The following USP34 variants were observed in gnomAD, a reference collection of about 807,000 sequenced individuals.
The protein encoded by USP34 is ubiquitin specific peptidase 34.
Under a neutral mutation model 460.3 loss-of-function variants are expected in USP34, and 70 were observed. That is an observed-to-expected ratio of 0.15 (90% CI 0.13 to 0.19). The LOEUF (loss-of-function observed/expected upper bound fraction) is 0.19. Ranked by LOEUF, USP34 falls within the 10% of genes least tolerant of loss-of-function variation. USP34 has a pLI of 1.00. For missense variants in USP34, 3,985 were observed against 4,236.2 expected (o/e 0.94, Z 1.65); for synonymous variants, 1,647 against 1,405.3 (o/e 1.17, Z -3.85).
chr2:61,466,650 T>C (rs1023144406), intron 1 of USP34, among the ~76,000 whole-genome samples: 6 of 151,718 alleles, frequency 4.0e-5, no homozygotes, highest in African/African-American at 1.5e-4. Flanking sequence ...GCTGGCTCAC[T>C]CCTGTAATTG....
At chr2:61,266,466 T>C (rs1440070589) in intron 41 of USP34, among the ~76,000 whole-genome samples, 1 of 152,210 alleles carries the variant, frequency 6.6e-6, no homozygotes, top group East Asian at 1.9e-4. Flanking sequence ...TAAGGCCTCA[T>C]TATTCCCTTG....
chr2:61,206,966 C>T lies in USP34; in HGVS notation c.8920-80G>A, dbSNP rs1174683234. 11 of 1,446,668 alleles carry T rather than the reference C, an allele frequency of 7.6e-6. No homozygotes were observed. The South Asian group carries it at 9.1e-5, about 12-fold the overall frequency. 89.6% of individuals were successfully genotyped at this position (1,446,668 alleles called of 1,614,324 possible). ...ACAAAATGGTAGTACTCGTCCTCTA[C>T]GATAGATGTTTTCAGACTCAGACTG... is the stretch of plus-strand genomic sequence containing the variant. On this transcript the variant is annotated intron_variant, in intron 70 of 79. Coordinates refer to ENST00000398571, the MANE Select transcript of USP34 (RefSeq NM_014709.4).
rs760776247 is a variant in USP34, at chr2:61,256,952, TAATC to T, written c.6049-6_6049-3del. Reference sequence around the variant, plus strand: ...AGTTTGACTAACATGTTCACAATCCTAATCAATACACATAAAAAATTAATAAAAA... The same window carrying T: ...AGTTTGACTAACATGTTCACAATCCTAATACACATAAAAAATTAATAAAAA... On this transcript the variant is annotated splice_polypyrimidine_tract_variant and splice_region_variant and intron_variant, in intron 46 of 79. Coordinates refer to ENST00000398571, the MANE Select transcript of USP34 (RefSeq NM_014709.4). 6.6e-6 allele frequency: 10 copies of T among 1,504,698 alleles called. No homozygotes were observed. Among genetic ancestry groups the T allele is most frequent in the Middle Eastern group, 2.3e-4 (1 of 4,308 alleles). The allele number at this position is 1,504,698 out of a possible 1,614,324, so 93.2% of individuals were successfully genotyped here.
At chr2:61,346,971 C>T (rs1231674132) in intron 15 of USP34, among the ~76,000 whole-genome samples, 1 of 151,518 alleles carries the variant, frequency 6.6e-6, no homozygotes, top group Admixed American at 6.6e-5. Context: ...AACCCCATCT[C>T]TACTAAAAAT....
At chr2:61,286,789 T>C (rs1689702586) in intron 34 of USP34, among the ~76,000 whole-genome samples, 1 of 152,216 alleles carries the variant, frequency 6.6e-6, no homozygotes, top group Non-Finnish European at 1.5e-5. Flanking sequence ...AATAAGCTTG[T>C]AGTTGCATAT....
chr2:61,384,870 C>T (rs752964586), intron 5 of USP34, among the ~76,000 whole-genome samples: 1 of 151,254 alleles, frequency 6.6e-6, no homozygotes, highest in African/African-American at 2.4e-5. Context: ...AGGACCTAGA[C>T]AATATAAGTT....
intron 53 of USP34, among the ~76,000 whole-genome samples, chr2:61,238,605 C>T (rs1399935224): frequency 6.6e-6 from 1 of 152,084 alleles, no homozygotes; most frequent in Non-Finnish European, 1.5e-5. Flanking sequence ...TCTAAAAAAC[C>T]ACATTCTGGT....
In USP34 at chr2:61,343,928, T is replaced by A; in HGVS notation, c.2387A>T (p.Glu796Val). ...EKNMADFDGE[E>V]SGCEEELVQI... is the part of the protein sequence containing the mutation. ...AACTAGCTCCTCTTCACATCCAGATTCTTCACCATCAAAATCAGCCATATT... is the reference window on the plus strand; with the variant it reads ...AACTAGCTCCTCTTCACATCCAGATACTTCACCATCAAAATCAGCCATATT... The change falls in exon 16 of 80, where the codon GAA becomes GTA. Residue 796 changes from glutamate (E) to valine (V), a missense_variant. Physicochemically the swap from Glu to Val is moderately radical, Grantham distance 121. Coordinates refer to ENST00000398571, the MANE Select transcript of USP34 (RefSeq NM_014709.4). 1 of 1,613,992 alleles carries A rather than the reference T, an allele frequency of 6.2e-7. No homozygotes were observed. Among genetic ancestry groups the A allele is most frequent in the Non-Finnish European group, 8.5e-7 (1 of 1,179,916 alleles).
At chr2:61,331,216 T>C in intron 20 of USP34, 60 bp downstream of exon 20, 1 of 1,399,764 alleles carries the variant, frequency 7.1e-7, no homozygotes, top group Non-Finnish European at 9.8e-7. Context: ...CACTGGAAAA[T>C]CATCTTTCAA....
At chr2:61,330,458 A>G (rs1691226978) in intron 20 of USP34, among the ~76,000 whole-genome samples, 1 of 152,210 alleles carries the variant, frequency 6.6e-6, no homozygotes, top group Non-Finnish European at 1.5e-5. Flanking sequence ...CAGGGAAATA[A>G]GTAAATTTAT....
At chr2:61,378,012 A>G (rs1215013197) in intron 8 of USP34, among the ~76,000 whole-genome samples, 1 of 152,182 alleles carries the variant, frequency 6.6e-6, no homozygotes, top group East Asian at 1.9e-4. Flanking sequence ...GCCTCTGCAA[A>G]TATCACAAAA....
intron 48 of USP34, among the ~76,000 whole-genome samples, chr2:61,249,597 T>C (rs151227180): frequency 6.7e-4 from 102 of 152,316 alleles, no homozygotes; most frequent in African/African-American, 1.1e-3. Flanking sequence ...AGTCAGTCCC[T>C]GAGCACTAGG....
At chr2:61,321,358 C>G (rs1213400755) in intron 21 of USP34, among the ~76,000 whole-genome samples, 3 of 152,096 alleles carry the variant, frequency 2.0e-5, no homozygotes, top group Admixed American at 6.5e-5. Context: ...GTAGTCCCAG[C>G]TGCTCGGGAG....
In USP34 at chr2:61,188,453, G is replaced by A. The variant is rs1379051087; in HGVS notation, c.10290C>T (p.Ile3430=). Residue 3430 remains isoleucine (I), a synonymous_variant, in exon 80 of 80, where the codon ATC becomes ATT. Transcript: ENST00000398571. ...PSSFSEDMSN[I]RSQHAEEQSN... is the part of the protein sequence containing the mutation. ...ACTGTTCTTCTGCATGCTGTGACCTGATATTTGACATGTCTTCTGAAAACG... is the reference window on the plus strand; with the variant it reads ...ACTGTTCTTCTGCATGCTGTGACCTAATATTTGACATGTCTTCTGAAAACG... The A allele has an allele frequency of 3.1e-6, 5 of 1,614,058 alleles. No individual in the cohort carries two copies. Among genetic ancestry groups the A allele is most frequent in the Admixed American group, 1.7e-5 (1 of 60,010 alleles).
In USP34 at chr2:61,311,680, A is replaced by G; in HGVS notation, c.3677T>C (p.Ile1226Thr). The G allele has an allele frequency of 6.2e-7, 1 of 1,611,062 alleles. No individual in the cohort carries two copies. Among genetic ancestry groups the G allele is most frequent in the Non-Finnish European group, 8.5e-7 (1 of 1,179,016 alleles). Residue 1226 changes from isoleucine to threonine, a missense_variant, in exon 27 of 80, where the codon ATT becomes ACT. Around this residue, in one of 14 missense-constraint regions of USP34, gnomAD observed 1,114 missense variants for 1,122.5 expected, o/e 0.99. Coordinates refer to ENST00000398571, the MANE Select transcript of USP34 (RefSeq NM_014709.4). ...QPAGLPDKMT[I>T]EMYPSDQVAD... Reference sequence around the variant, plus strand: ...TACCTGGTCACTAGGATACATTTCAATAGTCATCTGAAATATGAGATGCAA... The same window carrying G: ...TACCTGGTCACTAGGATACATTTCAGTAGTCATCTGAAATATGAGATGCAA...
At chr2:61,292,131 A>G (rs1466576998) in intron 33 of USP34, among the ~76,000 whole-genome samples, 1 of 152,174 alleles carries the variant, frequency 6.6e-6, no homozygotes, top group Non-Finnish European at 1.5e-5. Flanking sequence ...TAGTCCCACA[A>G]CTTTGTGAAT....
intron 41 of USP34, among the ~76,000 whole-genome samples, chr2:61,276,163 T>A (rs1176328982): frequency 6.6e-6 from 1 of 152,206 alleles, no homozygotes; most frequent in African/African-American, 2.4e-5. Flanking sequence ...CATAAGAATC[T>A]GCAGATGCTT....
chr2:61,446,222 G>C (rs1301250481), intron 1 of USP34, among the ~76,000 whole-genome samples: 1 of 151,388 alleles, frequency 6.6e-6, no homozygotes, highest in East Asian at 1.9e-4. Flanking sequence ...ACACCAGTGA[G>C]ACAAGTGGAA....
rs72815524 is a variant in USP34 at position 61,423,442 on chromosome 2, A to T, written c.44-2609T>A. ...ATGAACAATTTAAAAAGGAAATATT[A>T]AAAAAAATCCATTTGCATCAGCATC... On this transcript the variant is annotated intron_variant, in intron 1 of 79. Coordinates refer to ENST00000398571, the MANE Select transcript of USP34 (RefSeq NM_014709.4). Among the ~76,000 whole-genome samples, 26 of 152,028 alleles carry T rather than the reference A, an allele frequency of 1.7e-4. 1 individual carries two copies. Among genetic ancestry groups the T allele is most frequent in the Admixed American group, 3.9e-4 (6 of 15,278 alleles).
Sources: gnomAD v4.1 joint callset for allele counts (sites outside exome capture counted in the v4.1 genomes callset) on GRCh38, gnomAD v4.1.1 for gene constraint, gnomAD v4.1.1 regional missense constraint, MANE v1.5 for transcripts, NCBI Gene and HGNC (gene_info 2026-07-23, HGNC 2026-07-21) for gene names.